Variants in IL1RAPL2 observed in about 807,000 individuals in gnomAD.
The protein encoded by IL1RAPL2 is X-linked interleukin-1 receptor accessory protein-like 2.
Under a neutral mutation model 44.1 loss-of-function variants are expected in IL1RAPL2, and 3 were observed. The observed-to-expected ratio is 0.07, with a 90% CI of 0.03 to 0.18. The LOEUF is 0.18. Ranked by LOEUF, IL1RAPL2 falls within the 10% of genes least tolerant of loss-of-function variation. The probability of loss-of-function intolerance (pLI) is 1.00; values close to 1 mark genes in which losing one functional copy is unlikely to be tolerated. For missense variants in IL1RAPL2, 391 were observed against 496.4 expected, an observed-to-expected ratio of 0.79 and a Z score of 2.02; for synonymous variants, 181 against 178.8, an observed-to-expected ratio of 1.01 and a Z score of -0.10.
Position 104,676,045 on chromosome X carries a change from C to G in IL1RAPL2, c.82+17050C>G, listed in dbSNP as rs1325934751. 4.6e-5 allele frequency among the ~76,000 whole-genome samples: 5 copies of G among 107,977 alleles called. No homozygotes were observed. The Admixed American group carries it at 5.0e-4, about 11-fold the overall frequency. The allele number at this position is 107,977 out of a possible 115,157, so 93.8% of individuals were successfully genotyped here. ...TTCAGCACACTGATGGGTCTTGACT[C>G]TTTATCCAATTTGCCAGTCTGTGTC... On this transcript the variant is annotated intron_variant, in intron 2 of 10. Coordinates refer to ENST00000372582, the MANE Select transcript of IL1RAPL2 (RefSeq NM_017416.2).
intron 2 of IL1RAPL2, among the ~76,000 whole-genome samples, chrX:104,990,817 T>A (rs1367997556): frequency 8.9e-6 from 1 of 111,864 alleles, no homozygotes; most frequent in East Asian, 2.8e-4. Flanking sequence ...AGCTGTTTTA[T>A]TCCAGATGGA....
At chrX:104,680,599 A>T (rs1375457968) in intron 2 of IL1RAPL2, among the ~76,000 whole-genome samples, 1 of 111,037 alleles carries the variant, frequency 9.0e-6, no homozygotes, top group African/African-American at 3.3e-5. Flanking sequence ...TTATAGGGGA[A>T]CTACCCCCAA....
At chrX:104,662,948 C>T (rs770151798) in intron 2 of IL1RAPL2, among the ~76,000 whole-genome samples, 2 of 111,613 alleles carry the variant, frequency 1.8e-5, no homozygotes, top group African/African-American at 6.5e-5. Flanking sequence ...AAAAACTTCT[C>T]AGTGTTGGGA....
intron 6 of IL1RAPL2, among the ~76,000 whole-genome samples, chrX:105,656,990 C>T (rs2037681513): frequency 9.0e-6 from 1 of 111,242 alleles, no homozygotes; most frequent in Non-Finnish European, 1.9e-5. Context: ...TTTCTTTTAC[C>T]TTTGCAAATA....
chrX:104,943,019 C>A (rs951069375), intron 2 of IL1RAPL2, among the ~76,000 whole-genome samples: 1 of 111,380 alleles, frequency 9.0e-6, no homozygotes, highest in Middle Eastern at 4.3e-3. Flanking sequence ...TATATTGAAC[C>A]AGCCTTGCAT....
intron 2 of IL1RAPL2, among the ~76,000 whole-genome samples, chrX:104,983,577 A>ACATAATATATAATATATG (rs2030497893): frequency 1.4e-5 from 1 of 71,177 alleles, no homozygotes; most frequent in Non-Finnish European, 2.9e-5. Context: ...TATATTATAG[A>ACATAATATATAATATATG]CATAATATAT....
intron 10 of IL1RAPL2, among the ~76,000 whole-genome samples, chrX:105,758,877 G>A (rs2038662597): frequency 8.9e-6 from 1 of 112,252 alleles, no homozygotes; most frequent in African/African-American, 3.2e-5. Flanking sequence ...TATTCAAACT[G>A]CCTAGAGACA....
intron 2 of IL1RAPL2, among the ~76,000 whole-genome samples, chrX:104,704,401 A>G (rs770930826): frequency 9.0e-6 from 1 of 111,553 alleles, no homozygotes; most frequent in African/African-American, 3.3e-5. Flanking sequence ...CCTCCACAGT[A>G]CTTGGGGTGA....
chrX:104,638,928 C>T (rs977632439), intron 1 of IL1RAPL2, among the ~76,000 whole-genome samples: 10 of 112,031 alleles, frequency 8.9e-5, no homozygotes, highest in African/African-American at 2.6e-4. Flanking sequence ...TTCTGTTTAG[C>T]TGTTAGGTCT....
chrX:105,038,982 T>C (rs1400667445), intron 2 of IL1RAPL2, among the ~76,000 whole-genome samples: 1 of 111,560 alleles, frequency 9.0e-6, no homozygotes, highest in African/African-American at 3.3e-5. Flanking sequence ...GGAATATCAA[T>C]GCCTATAAGC....
chrX:105,402,658 G>A (rs774441668), intron 5 of IL1RAPL2, among the ~76,000 whole-genome samples: 3 of 111,411 alleles, frequency 2.7e-5, no homozygotes, highest in Non-Finnish European at 3.8e-5. Flanking sequence ...ATCTTGTACA[G>A]ATTCCAGTTC....
intron 2 of IL1RAPL2, among the ~76,000 whole-genome samples, chrX:104,831,534 A>G (rs2147629339): frequency 8.9e-6 from 1 of 112,019 alleles, no homozygotes; most frequent in Non-Finnish European, 1.9e-5. Context: ...GGAGTCACAC[A>G]TAGTTAATCC....
chrX:104,848,542 G>C (rs1172974298), intron 2 of IL1RAPL2, among the ~76,000 whole-genome samples: 1 of 103,140 alleles, frequency 9.7e-6, no homozygotes, highest in Non-Finnish European at 2.0e-5. Flanking sequence ...CCTGAATTTA[G>C]ACAAAATTAC....
chrX:104,917,445 A>C (rs1287017351), intron 2 of IL1RAPL2, among the ~76,000 whole-genome samples: 1 of 111,900 alleles, frequency 8.9e-6, no homozygotes, highest in African/African-American at 3.3e-5. Flanking sequence ...AAATGAAACT[A>C]GGAGTTTCTC....
At chrX:104,698,192 G>C (rs1931212359) in intron 2 of IL1RAPL2, among the ~76,000 whole-genome samples, 1 of 112,400 alleles carries the variant, frequency 8.9e-6, no homozygotes, top group South Asian at 3.7e-4. Context: ...GAGGGAGAAA[G>C]AAAATTCCAG....
intron 6 of IL1RAPL2, among the ~76,000 whole-genome samples, chrX:105,665,992 G>A (rs923779933): frequency 7.6e-4 from 83 of 109,072 alleles, no homozygotes; most frequent in Non-Finnish European, 1.2e-3. Context: ...TCGATCTCCT[G>A]ACCTCGTGAT....
chrX:104,978,209 T>C (rs1223196121), intron 2 of IL1RAPL2, among the ~76,000 whole-genome samples: 1 of 112,267 alleles, frequency 8.9e-6, no homozygotes, highest in Non-Finnish European at 1.9e-5. Flanking sequence ...TATGTATATA[T>C]GCATCTTTAA....
intron 2 of IL1RAPL2, among the ~76,000 whole-genome samples, chrX:104,906,893 G>T (rs369259810): frequency 9.0e-6 from 1 of 111,689 alleles, no homozygotes; most frequent in Non-Finnish European, 1.9e-5. Flanking sequence ...GTTCCTCCTT[G>T]TACCTCTCAT....
intron 6 of IL1RAPL2, among the ~76,000 whole-genome samples, chrX:105,502,346 A>G (rs1569448392): frequency 9.0e-6 from 1 of 111,672 alleles, no homozygotes; most frequent in Non-Finnish European, 1.9e-5. Context: ...GGAACTATAC[A>G]CTATTATGGC....
Sources: gnomAD v4.1 joint callset for allele counts (sites outside exome capture counted in the v4.1 genomes callset) on GRCh38, gnomAD v4.1.1 for gene constraint, MANE v1.5 for transcripts, NCBI Gene and HGNC (gene_info 2026-07-23, HGNC 2026-07-21) for gene names.